Variants in RPS12 observed in about 807,000 individuals in gnomAD.
The protein encoded by RPS12 is small ribosomal subunit protein eS12.
A neutral mutation model predicts 17.2 loss-of-function variants in RPS12; 1 was observed. The ratio of observed to expected loss-of-function variants is 0.06; its 90% CI spans 0.02 to 0.28. RPS12 has a LOEUF of 0.28. Among genes scored for constraint, RPS12 ranks in the 10% least tolerant of loss-of-function variants. RPS12 has a pLI of 1.00. For synonymous variants in RPS12, 67 were observed against 54.0 expected, an observed-to-expected ratio of 1.24 and a Z score of -1.06; for missense variants, 146 against 162.1, an observed-to-expected ratio of 0.90 and a Z score of 0.54.
intron 3 of RPS12, chr6:132,816,102 G>A (rs1233607914): frequency 2.7e-6 from 1 of 374,702 alleles, no homozygotes; most frequent in Admixed American, 3.8e-5. Context: ...CCAAAGTGCT[G>A]GGATTACAGG....
intron 3 of RPS12, chr6:132,815,425 G>T (rs1284671006): frequency 1.9e-6 from 1 of 522,322 alleles, no homozygotes. Flanking sequence ...CTGGCAGATA[G>T]ATGAGATGGA....
chr6:132,816,680 GA>G, intron 4 of RPS12, 117 bp downstream of exon 4: 1 of 799,650 alleles, frequency 1.3e-6, no homozygotes, highest in East Asian at 2.4e-5. Flanking sequence ...ACGTGCACCT[GA>G]TACTGTCGGC....
intron 3 of RPS12, chr6:132,816,133 CT>C: frequency 2.5e-6 from 1 of 401,124 alleles, no homozygotes; most frequent in Non-Finnish European, 4.7e-6. Context: ...CGTGCCCGGC[CT>C]TTCACATGTT....
At chr6:132,815,355 A>G (rs1782023470) in intron 3 of RPS12, 1 of 632,034 alleles carries the variant, frequency 1.6e-6, no homozygotes, top group South Asian at 1.4e-5. Flanking sequence ...TCCTTTTATG[A>G]GTGAAACATA....
At chr6:132,815,466 C>G (rs989965659) in intron 3 of RPS12, 1 of 447,078 alleles carries the variant, frequency 2.2e-6, no homozygotes, top group Non-Finnish European at 4.4e-6. Flanking sequence ...GTTTGCAAAA[C>G]AAGCATTAAT....
rs1209714405 is a variant in RPS12 at position 132,815,970 on chromosome 6, T to TA, written c.132-490dup. ...CTTCTGCCTCCCGAGTAGATGGAAT[T>TA]ACAGGCACACGCCACCATGCCCAGC... is the stretch of plus-strand genomic sequence containing the variant. On this transcript the variant is annotated intron_variant, in intron 3 of 5. Transcript: ENST00000230050. The TA allele has an allele frequency of 2.0e-5, 9 of 450,454 alleles. No homozygotes were observed. In the East Asian group the frequency reaches 6.3e-4, roughly 31 times the overall value. 27.9% of individuals were successfully genotyped at this position (450,454 alleles called of 1,614,324 possible).
Position 132,816,085 on chromosome 6 carries a change from C to T in RPS12, c.132-376C>T, listed in dbSNP as rs183698069. ...CTGACCTCGGGTCATCTGCCCCCCT[C>T]GTCTTCCCAAAGTGCTGGGATTACA... On this transcript the variant is annotated intron_variant, in intron 3 of 5. Transcript: ENST00000230050. 8 of 371,182 alleles carry T rather than the reference C, an allele frequency of 2.2e-5. No homozygotes were observed. The East Asian group carries it at 4.3e-4, about 20-fold the overall frequency. 23.0% of individuals were successfully genotyped at this position (371,182 alleles called of 1,614,324 possible).
rs1473402479 is a variant in RPS12 at position 132,814,605 on chromosome 6, A to C, written c.-46A>C. ...CCGCCGCCGAGTCGCGCGGAGGCGG[A>C]GGCTTGGGGTAAGTTGAGCGAGGCG... On this transcript the variant is annotated 5_prime_UTR_variant, in exon 1 of 6. Transcript: ENST00000230050. The C allele has an allele frequency of 1.2e-6, 1 of 859,554 alleles. No homozygotes were observed. The highest frequency in any genetic ancestry group is 1.9e-6 in the Non-Finnish European group (1 of 516,538). The allele number at this position is 859,554 out of a possible 1,614,324, so 53.2% of individuals were successfully genotyped here. A position where few individuals can be genotyped will look rare whatever the true frequency, so the allele number is the denominator to read the frequency against.
chr6:132,816,396 AAATGC>A lies in RPS12; in HGVS notation c.132-62_132-58del, dbSNP rs1313362985. 14 of 1,263,802 alleles carry A rather than the reference AAATGC, an allele frequency of 1.1e-5. No individual in the cohort carries two copies. The Admixed American group carries it at 2.4e-4, about 22-fold the overall frequency. The allele number at this position is 1,263,802 out of a possible 1,614,324, so 78.3% of individuals were successfully genotyped here. On this transcript the variant is annotated intron_variant, in intron 3 of 5. Coordinates refer to ENST00000230050, the MANE Select transcript of RPS12 (RefSeq NM_001016.4). ...TGTTAGTGCAAAGATAACCCTCCTA[AAATGC>A]AAGAATGATGGATTTGGATCTGAGT...
rs764792764 is a variant in RPS12, at chr6:132,814,789, C to T, written c.14+7C>T. 5.6e-6 allele frequency: 9 copies of T among 1,612,816 alleles called. No homozygotes were observed. Among genetic ancestry groups the T allele is most frequent in the African/African-American group, 5.3e-5 (4 of 74,878 alleles). On this transcript the variant is annotated splice_region_variant and intron_variant, in intron 2 of 5. Transcript: ENST00000230050. ...CCGCCATGGCCGAGGAAGGGTGAGC[C>T]CAGGGGCCGGGGTTGGAGTTGGGGT...
At chr6:132,815,244 T>C (rs1782020112) in intron 3 of RPS12, 156 bp downstream of exon 3, 1 of 749,730 alleles carries the variant, frequency 1.3e-6, no homozygotes, top group South Asian at 1.4e-5. Context: ...CTCAGATCTA[T>C]AAAGCCCACT....
At chr6:132,816,593 A>C (rs746830863) in intron 4 of RPS12, 30 bp downstream of exon 4, 3 of 1,425,652 alleles carry the variant, frequency 2.1e-6, no homozygotes, top group Non-Finnish European at 2.0e-6. Context: ...TGTTGGGACT[A>C]ATGTTCAGTG....
intron 3 of RPS12, chr6:132,815,608 A>G (rs1427993589): frequency 2.2e-6 from 1 of 455,816 alleles, no homozygotes; most frequent in Admixed American, 2.4e-5. Flanking sequence ...TGTGTTTTTT[A>G]GGGTGGTGGC....
chr6:132,817,168 G>A, intron 5 of RPS12, 107 bp downstream of exon 5: 2 of 836,074 alleles, frequency 2.4e-6, no homozygotes, highest in Non-Finnish European at 4.1e-6. Context: ...TGATTCAACA[G>A]GTTTAAAGCA....
At chr6:132,815,488 T>C (rs1264599065) in intron 3 of RPS12, 8 of 416,060 alleles carry the variant, frequency 1.9e-5, no homozygotes, top group Non-Finnish European at 3.8e-5. Context: ...TAATGGAATT[T>C]CAAACTCAGG....
intron 3 of RPS12, chr6:132,815,633 C>T (rs1038496869): frequency 2.2e-6 from 1 of 456,598 alleles, no homozygotes; most frequent in Non-Finnish European, 4.4e-6. Context: ...ACAAATCAAC[C>T]TACTCTTGAG....
chr6:132,815,582 G>C, intron 3 of RPS12: 1 of 453,210 alleles, frequency 2.2e-6, no homozygotes, highest in African/African-American at 2.0e-5. Flanking sequence ...TAATGTATTT[G>C]AATGGATCGA....
chr6:132,816,898 AT>A, intron 4 of RPS12, 61 bp from the exon 5 acceptor site: 2 of 1,109,640 alleles, frequency 1.8e-6, no homozygotes, highest in South Asian at 1.2e-5. Context: ...GTTTCATTTA[AT>A]TTTGGTAGTG....
chr6:132,816,292 T>A (rs931367954), intron 3 of RPS12, among the ~76,000 whole-genome samples, 169 bp from the exon 4 acceptor site: 2 of 152,214 alleles, frequency 1.3e-5, no homozygotes, highest in Non-Finnish European at 2.9e-5. Context: ...ATGTATATGC[T>A]CCCTAGCAGG....
Sources: allele counts gnomAD v4.1 joint callset (sites outside exome capture counted in the v4.1 genomes callset), GRCh38; gene constraint gnomAD v4.1.1; transcripts MANE v1.5; gene names NCBI Gene and HGNC (gene_info 2026-07-23, HGNC 2026-07-21).